The following POU6F2 variants were observed in gnomAD, a reference collection of about 807,000 sequenced individuals.
POU6F2 encodes POU class 6 homeobox 2, also known as POU domain, class 6, transcription factor 2.
In POU6F2, 31 loss-of-function variants were observed where a neutral mutation model predicts 71.3. The observed-to-expected ratio is 0.43, with a 90% CI of 0.33 to 0.59. The LOEUF is 0.59. Among genes scored for constraint, POU6F2 ranks in the 20% least tolerant of loss-of-function variants. The pLI, the probability that POU6F2 is intolerant of heterozygous loss-of-function variation, is 0.04. For missense variants in POU6F2, 783 were observed against 856.8 expected, an observed-to-expected ratio of 0.91 and a Z score of 1.07; for synonymous variants, 347 against 355.7, an observed-to-expected ratio of 0.98 and a Z score of 0.27.
chr7:39,236,821 G>A (rs1421245465), intron 4 of POU6F2, among the ~76,000 whole-genome samples: 1 of 152,164 alleles, frequency 6.6e-6, no homozygotes, highest in Non-Finnish European at 1.5e-5. Context: ...ATACACAAAT[G>A]TATCCTCTTA....
At chr7:39,226,317 A>G (rs1043039816) in intron 4 of POU6F2, among the ~76,000 whole-genome samples, 2 of 152,210 alleles carry the variant, frequency 1.3e-5, no homozygotes, top group East Asian at 1.9e-4. Context: ...CAGATTGCCT[A>G]CAATATAGGA....
intron 5 of POU6F2, among the ~76,000 whole-genome samples, chr7:39,385,263 CTG>C (rs1373942130): frequency 1.3e-5 from 2 of 152,238 alleles, no homozygotes; most frequent in African/African-American, 4.8e-5. Flanking sequence ...GAAAGAGTAT[CTG>C]TGTGTCACGA....
At chr7:39,044,713 T>C (rs550911008) in intron 1 of POU6F2, among the ~76,000 whole-genome samples, 73 of 152,016 alleles carry the variant, frequency 4.8e-4, no homozygotes, top group Non-Finnish European at 9.1e-4. Context: ...TAAAAATTGC[T>C]GACAGAGCCC....
chr7:38,978,326 G>A (rs1788231737), intron 1 of POU6F2, among the ~76,000 whole-genome samples: 1 of 152,118 alleles, frequency 6.6e-6, no homozygotes, highest in African/African-American at 2.4e-5. Context: ...TGGTCTGAAT[G>A]TTTCTTAAAA....
intron 1 of POU6F2, among the ~76,000 whole-genome samples, chr7:39,076,651 A>T (rs1201049813): frequency 2.0e-5 from 3 of 152,216 alleles, no homozygotes; most frequent in Non-Finnish European, 4.4e-5. Context: ...CCTCAAGTAC[A>T]CTAAAGACTC....
rs771044804 is a variant in POU6F2, at chr7:39,074,436, C to T, written c.106-11424C>T. 2.6e-5 allele frequency among the ~76,000 whole-genome samples: 4 copies of T among 151,792 alleles called. No homozygotes were observed. In the East Asian group the frequency reaches 5.8e-4, roughly 22 times the overall value. ...CAGAGGTTGCAGTGAGCCGAGATCA[C>T]GCCACTGCACTCCAGCCTGGACGAC... On this transcript the variant is annotated intron_variant, in intron 1 of 9. Transcript: ENST00000518318.
intron 1 of POU6F2, among the ~76,000 whole-genome samples, chr7:38,998,693 CAGG>C (rs1788809975): frequency 6.6e-6 from 1 of 151,508 alleles, no homozygotes; most frequent in African/African-American, 2.4e-5. Flanking sequence ...CTCTGTCACC[CAGG>C]ATGGAGTGCA....
chr7:39,347,542 C>A (rs1558159), intron 5 of POU6F2, among the ~76,000 whole-genome samples: 84,983 of 151,696 alleles, frequency 0.56, 23,987 homozygotes, highest in East Asian at 0.74. Flanking sequence ...TGTAGCCATG[C>A]ACTCACATAA....
intron 5 of POU6F2, among the ~76,000 whole-genome samples, chr7:39,351,517 A>G (rs1786138957): frequency 6.6e-6 from 1 of 152,334 alleles, no homozygotes; most frequent in East Asian, 1.9e-4. Context: ...ACATCTTCTC[A>G]AAACAAGAAC....
At chr7:39,024,036 G>T (rs1789740576) in intron 1 of POU6F2, among the ~76,000 whole-genome samples, 3 of 152,040 alleles carry the variant, frequency 2.0e-5, no homozygotes, top group Non-Finnish European at 4.4e-5. Flanking sequence ...TTCCAATTCT[G>T]TGAAGAAAGT....
chr7:39,430,794 T>C (rs532481195), intron 6 of POU6F2, among the ~76,000 whole-genome samples: 3 of 152,214 alleles, frequency 2.0e-5, no homozygotes, highest in South Asian at 4.1e-4. Context: ...GCCCCGTAGA[T>C]GCATCCAGCT....
intron 1 of POU6F2, chr7:39,006,640 A>G: frequency 1.8e-6 from 1 of 558,384 alleles, no homozygotes; most frequent in Non-Finnish European, 3.2e-6. Context: ...AGTCAGAGTC[A>G]GAACCTAGTT....
At chr7:39,302,456 A>G (rs1784966173) in intron 4 of POU6F2, among the ~76,000 whole-genome samples, 3 of 152,212 alleles carry the variant, frequency 2.0e-5, no homozygotes, top group Admixed American at 1.3e-4. Context: ...AATACTCCAC[A>G]TTGGTATCAC....
intron 1 of POU6F2, among the ~76,000 whole-genome samples, chr7:39,047,932 A>G (rs773877776): frequency 6.6e-6 from 1 of 151,924 alleles, no homozygotes; most frequent in Non-Finnish European, 1.5e-5. Flanking sequence ...TTTTTAAAAG[A>G]ATTTTTGCCT....
At chr7:39,348,355 A>G (rs1223698684) in intron 5 of POU6F2, among the ~76,000 whole-genome samples, 2 of 152,170 alleles carry the variant, frequency 1.3e-5, no homozygotes, top group African/African-American at 4.8e-5. Flanking sequence ...TGATCTTTAA[A>G]CCCATTTTTA....
chr7:39,038,204 C>T (rs2128711023), intron 1 of POU6F2, among the ~76,000 whole-genome samples: 1 of 152,020 alleles, frequency 6.6e-6, no homozygotes, highest in East Asian at 1.9e-4. Flanking sequence ...TCTGTCCCAC[C>T]AAGATGAGGA....
chr7:39,448,626 C>T (rs1788581068), intron 7 of POU6F2, among the ~76,000 whole-genome samples: 2 of 152,174 alleles, frequency 1.3e-5, no homozygotes, highest in Admixed American at 6.5e-5. Context: ...CTAGCTTGCT[C>T]TAGTGACTCT....
chr7:39,121,748 G>A (rs918716794), intron 2 of POU6F2, among the ~76,000 whole-genome samples: 1 of 152,120 alleles, frequency 6.6e-6, no homozygotes, highest in African/African-American at 2.4e-5. Context: ...ACCCAGGCTG[G>A]AGTGCAGTGG....
intron 2 of POU6F2, among the ~76,000 whole-genome samples, chr7:39,195,611 C>T (rs1387247615): frequency 6.6e-6 from 1 of 151,112 alleles, no homozygotes; most frequent in Non-Finnish European, 1.5e-5. Flanking sequence ...CTTTAGGCTT[C>T]GGTTTCCAGT....
Sources: allele counts gnomAD v4.1 joint callset (sites outside exome capture counted in the v4.1 genomes callset), GRCh38; gene constraint gnomAD v4.1.1; transcripts MANE v1.5; gene names NCBI Gene and HGNC (gene_info 2026-07-23, HGNC 2026-07-21).